The following MUC7 variants were observed in gnomAD, a reference collection of about 807,000 sequenced individuals.
The protein encoded by MUC7 is mucin-7.
MUC7 carries 2 observed loss-of-function variants against 2.5 expected under a neutral mutation model. The observed-to-expected ratio is 0.81, with a 90% CI of 0.33 to 2.55. MUC7 has a LOEUF of 2.55. Ranked by LOEUF, MUC7 falls within the 30% of genes most tolerant of loss-of-function variation. The pLI, the probability that MUC7 is intolerant of heterozygous loss-of-function variation, is 0.11. For synonymous variants in MUC7, 133 were observed against 173.4 expected (o/e 0.77, Z 1.83); for missense variants, 408 against 455.6 (o/e 0.90, Z 0.95).
Position 70,482,038 on chromosome 4 carries a change from C to T in MUC7, c.*160C>T. 1.1e-6 allele frequency: 1 copy of T among 930,288 alleles called. No homozygotes were observed. The highest frequency in any genetic ancestry group is 1.6e-6 in the Non-Finnish European group (1 of 640,560). 57.6% of individuals were successfully genotyped at this position (930,288 alleles called of 1,614,324 possible). The stretch of plus-strand genomic sequence containing the variant: ...AATCTAATTATTCACCACCACAAGA[C>T]CTATTAACAAGACAAAATGCCTCTA... On this transcript the variant is annotated 3_prime_UTR_variant, in exon 3 of 3. Coordinates refer to ENST00000304887, the MANE Select transcript of MUC7 (RefSeq NM_152291.3).
At chr4:70,431,176 A>T (rs1733654409) in intron 1 of MUC7, among the ~76,000 whole-genome samples, 1 of 152,190 alleles carries the variant, frequency 6.6e-6, no homozygotes, top group Non-Finnish European at 1.5e-5. Context: ...TTTGCCCTAG[A>T]TAAGGTCTTA....
chr4:70,444,791 C>T (rs1438057269), intron 1 of MUC7, among the ~76,000 whole-genome samples: 1 of 152,172 alleles, frequency 6.6e-6, no homozygotes, highest in African/African-American at 2.4e-5. Context: ...GTGGCTCACA[C>T]CTGTAATCCC....
intron 1 of MUC7, among the ~76,000 whole-genome samples, chr4:70,440,246 G>A (rs1370519018): frequency 1.3e-5 from 2 of 152,072 alleles, no homozygotes; most frequent in African/African-American, 4.8e-5. Context: ...GAGTCAAATA[G>A]CTTTAGAAAT....
intron 1 of MUC7, among the ~76,000 whole-genome samples, chr4:70,449,638 T>A (rs147807180): frequency 2.0e-5 from 3 of 152,252 alleles, no homozygotes; most frequent in African/African-American, 7.2e-5. Context: ...GGTATTGTGG[T>A]CTAAGGTGCA....
At chr4:70,475,699 C>T (rs1734978039) in intron 2 of MUC7, among the ~76,000 whole-genome samples, 1 of 151,966 alleles carries the variant, frequency 6.6e-6, no homozygotes, top group Non-Finnish European at 1.5e-5. Flanking sequence ...TTCTCTCATG[C>T]TATGTACCTG....
At chr4:70,443,231 CA>C (rs199848623) in intron 1 of MUC7, among the ~76,000 whole-genome samples, 69 of 136,516 alleles carry the variant, frequency 5.1e-4, no homozygotes, top group East Asian at 1.9e-3. Flanking sequence ...TTAATTTGGC[CA>C]AAAAAAAAAA....
chr4:70,471,467 T>C (rs1734831579), upstream of MUC7, among the ~76,000 whole-genome samples: 1 of 152,192 alleles, frequency 6.6e-6, no homozygotes, highest in Admixed American at 6.5e-5. Flanking sequence ...AGGTTGATGG[T>C]GTTGTGTTAT....
At position 70,478,068 on chromosome 4, in the gene MUC7, T is replaced by C. The variant is rs1735057234; in HGVS notation, c.55-2731T>C. On this transcript the variant is annotated intron_variant, in intron 2 of 2. Transcript: ENST00000304887. Reference sequence around the variant, plus strand: ...TGTAACTGCCAATCATAATAACTAATCAATATATTAAGTAAATCAAACAAA... The same window carrying C: ...TGTAACTGCCAATCATAATAACTAACCAATATATTAAGTAAATCAAACAAA... 2.0e-5 allele frequency among the ~76,000 whole-genome samples: 3 copies of C among 152,102 alleles called. No homozygotes were observed. In the South Asian group the frequency reaches 6.2e-4, roughly 32 times the overall value.
chr4:70,467,610 CA>C (rs1245184407), upstream of MUC7, among the ~76,000 whole-genome samples: 3 of 152,114 alleles, frequency 2.0e-5, no homozygotes, highest in Non-Finnish European at 4.4e-5. Flanking sequence ...TACAAACTAC[CA>C]TCAGAGAATA....
At chr4:70,470,268 GC>G (rs1734800861), upstream of MUC7, among the ~76,000 whole-genome samples, 1 of 152,186 alleles carries the variant, frequency 6.6e-6, no homozygotes, top group African/African-American at 2.4e-5. Context: ...CAGGTGGGGG[GC>G]TGGGGGAGGG....
intron 1 of MUC7, among the ~76,000 whole-genome samples, chr4:70,459,402 G>C (rs957144825): frequency 5.3e-5 from 8 of 152,140 alleles, no homozygotes; most frequent in Admixed American, 1.3e-4. Context: ...GACACAGGAA[G>C]GGGAACATCA....
At chr4:70,447,310 C>T (rs941889489) in intron 1 of MUC7, among the ~76,000 whole-genome samples, 2 of 152,186 alleles carry the variant, frequency 1.3e-5, no homozygotes, top group East Asian at 3.9e-4. Context: ...TTTTGAGAAG[C>T]GCCTGGCCCA....
At chr4:70,439,429 TA>T (rs1367592726) in intron 1 of MUC7, among the ~76,000 whole-genome samples, 3 of 152,266 alleles carry the variant, frequency 2.0e-5, no homozygotes, top group African/African-American at 7.2e-5. Context: ...CTTTTGTTTT[TA>T]AAAGCACTCT....
chr4:70,457,901 T>A (rs146182711), intron 1 of MUC7, among the ~76,000 whole-genome samples: 1 of 152,096 alleles, frequency 6.6e-6, no homozygotes, highest in Admixed American at 6.6e-5. Flanking sequence ...GAAAATTTTA[T>A]CAACTTTTCC....
chr4:70,480,088 A>G (rs1328057365), intron 2 of MUC7, among the ~76,000 whole-genome samples: 2 of 152,234 alleles, frequency 1.3e-5, no homozygotes, highest in Admixed American at 6.5e-5. Flanking sequence ...CCTTTCAGAA[A>G]TCATGAAAAC....
intron 1 of MUC7, among the ~76,000 whole-genome samples, chr4:70,442,304 C>CA (rs112983885): frequency 0.011 from 1,727 of 151,662 alleles, 20 homozygotes; most frequent in African/African-American, 0.028. Flanking sequence ...AAAACAGAAG[C>CA]AAAAAAAAGT....
chr4:70,437,211 T>A (rs927076993), intron 1 of MUC7, among the ~76,000 whole-genome samples: 8 of 152,218 alleles, frequency 5.3e-5, no homozygotes, highest in African/African-American at 1.9e-4. Flanking sequence ...AATGCCGTGC[T>A]GGAAGAACCA....
intron 1 of MUC7, among the ~76,000 whole-genome samples, chr4:70,461,784 T>C (rs994932760): frequency 6.9e-6 from 1 of 145,618 alleles, no homozygotes; most frequent in African/African-American, 2.5e-5. Context: ...CAAAAGGATA[T>C]AATAAAGGTG....
intron 1 of MUC7, among the ~76,000 whole-genome samples, chr4:70,458,239 TAA>T (rs34779460): frequency 4.0e-5 from 6 of 151,212 alleles, no homozygotes; most frequent in Admixed American, 6.6e-5. Context: ...TTGATTGATC[TAA>T]AAAAAAAAGA....
Sources: allele counts gnomAD v4.1 joint callset (sites outside exome capture counted in the v4.1 genomes callset), GRCh38; gene constraint gnomAD v4.1.1; transcripts MANE v1.5; gene names NCBI Gene and HGNC (gene_info 2026-07-23, HGNC 2026-07-21).